LHFPL3: variants seen among roughly 807,000 people sequenced by gnomAD.
LHFPL3 encodes LHFPL tetraspan subfamily member 3, also known as LHFPL tetraspan subfamily member 3 protein.
LHFPL3 carries 5 observed loss-of-function variants against 19.3 expected under a neutral mutation model. That is an observed-to-expected ratio of 0.26 (90% confidence interval 0.14 to 0.54). The LOEUF (loss-of-function observed/expected upper bound fraction) is 0.54. Ranked by LOEUF, LHFPL3 falls within the 20% of genes least tolerant of loss-of-function variation. LHFPL3 has a pLI of 0.94. For missense variants in LHFPL3, 249 were observed against 307.4 expected (o/e 0.81, Z 1.42); for synonymous variants, 133 against 126.2 (o/e 1.05, Z -0.36).
chr7:104,888,012 T>G (rs1328386768), intron 2 of LHFPL3, among the ~76,000 whole-genome samples: 3 of 152,172 alleles, frequency 2.0e-5, no homozygotes, highest in Admixed American at 6.5e-5. Flanking sequence ...CAGCTCTGCC[T>G]TTCATTCTGG....
chr7:104,389,824 T>C (rs965553637), intron 1 of LHFPL3, among the ~76,000 whole-genome samples: 2 of 152,152 alleles, frequency 1.3e-5, no homozygotes, highest in Non-Finnish European at 2.9e-5. Context: ...TGTAAAAGAA[T>C]GAAGTTGGGC....
At chr7:104,331,335 A>G (rs752343378) in intron 1 of LHFPL3, among the ~76,000 whole-genome samples, 2 of 152,248 alleles carry the variant, frequency 1.3e-5, no homozygotes, top group African/African-American at 2.4e-5. Context: ...ATGTAAGGAC[A>G]TTTACTTCAT....
chr7:104,902,734 C>A (rs770859610), intron 2 of LHFPL3, among the ~76,000 whole-genome samples: 1 of 152,056 alleles, frequency 6.6e-6, no homozygotes, highest in African/African-American at 2.4e-5. Context: ...TACAGTGAGC[C>A]GAGATCACGC....
chr7:104,594,460 G>T (rs1470257937), intron 1 of LHFPL3, among the ~76,000 whole-genome samples: 1 of 152,158 alleles, frequency 6.6e-6, no homozygotes, highest in African/African-American at 2.4e-5. Context: ...CTCTCTGGCT[G>T]CCCTTAACAC....
At chr7:104,700,231 A>G (rs900126406) in intron 1 of LHFPL3, among the ~76,000 whole-genome samples, 4 of 152,118 alleles carry the variant, frequency 2.6e-5, no homozygotes, top group African/African-American at 9.7e-5. Context: ...TCTTCCCAAT[A>G]TTGGCTCAAA....
chr7:104,784,411 G>A (rs77492335), intron 2 of LHFPL3, among the ~76,000 whole-genome samples: 1,826 of 152,186 alleles, frequency 0.012, 35 homozygotes, highest in East Asian at 0.066. Flanking sequence ...GTTGTTTTGA[G>A]GATTAAATAA....
At chr7:104,832,261 C>A (rs1457514231) in intron 2 of LHFPL3, among the ~76,000 whole-genome samples, 1 of 151,960 alleles carries the variant, frequency 6.6e-6, no homozygotes, top group Non-Finnish European at 1.5e-5. Flanking sequence ...GTCTATCAAT[C>A]ATTCTATCAG....
At chr7:104,709,578 G>C (rs1339957627) in intron 1 of LHFPL3, among the ~76,000 whole-genome samples, 29 of 150,706 alleles carry the variant, frequency 1.9e-4, no homozygotes, top group African/African-American at 6.8e-4. Flanking sequence ...GCATCCCAAG[G>C]CAGAAGAATT....
intron 1 of LHFPL3, among the ~76,000 whole-genome samples, chr7:104,704,644 T>A (rs1210058135): frequency 6.6e-6 from 1 of 151,962 alleles, no homozygotes; most frequent in African/African-American, 2.4e-5. Flanking sequence ...TATTTCTTTT[T>A]TTTTTTTTTT....
intron 2 of LHFPL3, among the ~76,000 whole-genome samples, chr7:104,737,565 G>A (rs1793852713): frequency 6.6e-6 from 1 of 152,130 alleles, no homozygotes; most frequent in Admixed American, 6.5e-5. Flanking sequence ...ACTATTGAAT[G>A]ATACGTAAAT....
chr7:104,503,520 T>C (rs1793640677), intron 1 of LHFPL3, among the ~76,000 whole-genome samples: 1 of 152,190 alleles, frequency 6.6e-6, no homozygotes, highest in Non-Finnish European at 1.5e-5. Context: ...GAGTATTCTA[T>C]TTCATAGTTG....
chr7:104,834,012 C>A (rs887202869), intron 2 of LHFPL3, among the ~76,000 whole-genome samples: 2 of 148,922 alleles, frequency 1.3e-5, no homozygotes, highest in African/African-American at 5.0e-5. Flanking sequence ...AATTTAGAGT[C>A]CGATGTTTGA....
intron 2 of LHFPL3, among the ~76,000 whole-genome samples, chr7:104,780,521 TCCTGGCAC>T (rs1011184724): frequency 7.9e-5 from 12 of 152,224 alleles, no homozygotes; most frequent in African/African-American, 1.7e-4. Context: ...CCAGAGCATA[TCCTGGCAC>T]CCTGGCACCT....
At chr7:104,441,790 G>A (rs1022529862) in intron 1 of LHFPL3, among the ~76,000 whole-genome samples, 2 of 152,102 alleles carry the variant, frequency 1.3e-5, no homozygotes, top group Non-Finnish European at 2.9e-5. Flanking sequence ...TGGCCAGGCT[G>A]GTCTCGAACT....
At chr7:104,814,960 G>T (rs1460774412) in intron 2 of LHFPL3, among the ~76,000 whole-genome samples, 2 of 152,186 alleles carry the variant, frequency 1.3e-5, no homozygotes, top group Admixed American at 1.3e-4. Flanking sequence ...GGGATGCCTG[G>T]GTCCATAGCT....
chr7:104,483,440 A>G (rs143367383), intron 1 of LHFPL3, among the ~76,000 whole-genome samples: 284 of 152,342 alleles, frequency 1.9e-3, no homozygotes, highest in African/African-American at 6.2e-3. Context: ...TTGATGATCT[A>G]TGGACTTTTA....
chr7:104,478,653 C>A (rs1793072850), intron 1 of LHFPL3, among the ~76,000 whole-genome samples: 1 of 152,132 alleles, frequency 6.6e-6, no homozygotes, highest in Non-Finnish European at 1.5e-5. Context: ...CAGTGTGTTC[C>A]ATGCATTCCA....
In LHFPL3 at chr7:104,641,581, T is replaced by C. The variant is rs563808665; in HGVS notation, c.446-95094T>C. On this transcript the variant is annotated intron_variant, in intron 1 of 2. Coordinates refer to ENST00000424859, the MANE Select transcript of LHFPL3 (RefSeq NM_199000.3). ...TATTTGAGTATACACTTCCCTTTCT[T>C]GGAAGTTTCCATTACATGAAAAATG... 2.8e-4 allele frequency among the ~76,000 whole-genome samples: 42 copies of C among 152,326 alleles called. 1 individual carries two copies. The highest frequency in any genetic ancestry group is 1.6e-3 in the Admixed American group (25 of 15,304).
chr7:104,746,910 T>C (rs957623951), intron 2 of LHFPL3, among the ~76,000 whole-genome samples: 23 of 152,208 alleles, frequency 1.5e-4, no homozygotes, highest in African/African-American at 5.3e-4. Flanking sequence ...CCCTGCTGTC[T>C]CCCTTTGTTC....
Sources: gnomAD v4.1 joint callset for allele counts (sites outside exome capture counted in the v4.1 genomes callset) on GRCh38, gnomAD v4.1.1 for gene constraint, MANE v1.5 for transcripts, NCBI Gene and HGNC (gene_info 2026-07-23, HGNC 2026-07-21) for gene names.